Variants in SMARCC1 observed in about 807,000 individuals in gnomAD.
The protein encoded by SMARCC1 is SWI/SNF complex subunit SMARCC1.
SMARCC1 carries 43 observed loss-of-function variants against 147.4 expected under a neutral mutation model. The ratio of observed to expected loss-of-function variants is 0.29; its 90% CI spans 0.23 to 0.38. The LOEUF (loss-of-function observed/expected upper bound fraction) is 0.38, where lower values mean the gene tolerates loss of function less well. Among genes scored for constraint, SMARCC1 ranks in the 10% least tolerant of loss-of-function variants. SMARCC1 has a pLI of 1.00. For synonymous variants in SMARCC1, 495 were observed against 484.4 expected (o/e 1.02, Z -0.29); for missense variants, 1,119 against 1,381.1 (o/e 0.81, Z 3.01).
At chr3:47,618,594 A>G (rs2032680991) in intron 25 of SMARCC1, among the ~76,000 whole-genome samples, 1 of 152,230 alleles carries the variant, frequency 6.6e-6, no homozygotes, top group Middle Eastern at 3.4e-3. Flanking sequence ...ATATAATTTA[A>G]GTAGTTATTT....
chr3:47,724,514 TG>T (rs2034275070), intron 6 of SMARCC1, among the ~76,000 whole-genome samples: 2 of 152,222 alleles, frequency 1.3e-5, no homozygotes, highest in South Asian at 4.1e-4. Context: ...CAGCCAAGGA[TG>T]GCTTTGAATG....
intron 21 of SMARCC1, among the ~76,000 whole-genome samples, chr3:47,656,456 A>G (rs768945983): frequency 2.0e-5 from 3 of 152,248 alleles, no homozygotes; most frequent in Non-Finnish European, 2.9e-5. Flanking sequence ...CAGCAAAGGT[A>G]AATTGCTTTT....
At chr3:47,641,351 G>C (rs562376113) in intron 21 of SMARCC1, among the ~76,000 whole-genome samples, 1 of 152,262 alleles carries the variant, frequency 6.6e-6, no homozygotes, top group East Asian at 1.9e-4. Flanking sequence ...GCCAGGCATG[G>C]TGATGAGCAC....
chr3:47,693,835 G>C (rs898259848), intron 11 of SMARCC1, among the ~76,000 whole-genome samples: 1 of 152,030 alleles, frequency 6.6e-6, no homozygotes, highest in Non-Finnish European at 1.5e-5. Context: ...GTTAATTTTT[G>C]TATTTTTTAT....
intron 19 of SMARCC1, among the ~76,000 whole-genome samples, chr3:47,666,766 T>C (rs1285865881): frequency 2.0e-5 from 3 of 152,078 alleles, no homozygotes; most frequent in African/African-American, 7.2e-5. Context: ...ATTGTTAGTG[T>C]TAGTGTATTT....
chr3:47,621,570 CAT>C (rs1350481359), intron 25 of SMARCC1, among the ~76,000 whole-genome samples: 3 of 152,132 alleles, frequency 2.0e-5, no homozygotes, highest in Non-Finnish European at 2.9e-5. Context: ...AAAAATGCCA[CAT>C]GTTCTCAGTT....
chr3:47,714,068 G>T (rs766866055), intron 8 of SMARCC1, among the ~76,000 whole-genome samples: 5 of 152,164 alleles, frequency 3.3e-5, no homozygotes, highest in Non-Finnish European at 7.3e-5. Context: ...TTAGATTATT[G>T]TAAGAATTTT....
rs1294832638 is a variant in SMARCC1, at chr3:47,662,437, A to G, written c.2055T>C (p.Pro685=). 3.1e-6 allele frequency: 5 copies of G among 1,614,210 alleles called. No homozygotes were observed. The highest frequency in any genetic ancestry group is 4.2e-6 in the Non-Finnish European group (5 of 1,180,024). ...GATTTCCTGACTGACTGAAGGGGACAGGCTGGTAGGCCAAAGGCCCAAGGG... is the reference window on the plus strand; with the variant it reads ...GATTTCCTGACTGACTGAAGGGGACGGGCTGGTAGGCCAAAGGCCCAAGGG... The part of the protein sequence containing the change: ...DASLGPLAYQ[P]VPFSQSGNPV... The change falls in exon 20 of 28, where the codon CCT becomes CCC. Residue 685 remains proline, a synonymous_variant. Transcript: ENST00000254480.
At chr3:47,749,730 A>AAATTAAACACAC (rs2034606326) in intron 2 of SMARCC1, among the ~76,000 whole-genome samples, 2 of 50,514 alleles carry the variant, frequency 4.0e-5, no homozygotes, top group Non-Finnish European at 5.3e-5. Flanking sequence ...CACACAGAGA[A>AAATTAAACACAC]AGAGACAGAG....
At chr3:47,607,767 G>A (rs1576385806) in intron 26 of SMARCC1, among the ~76,000 whole-genome samples, 1 of 152,094 alleles carries the variant, frequency 6.6e-6, no homozygotes. Flanking sequence ...AAAAAAGCCA[G>A]GCACAGTGGA....
chr3:47,704,546 G>A (rs1315906048), intron 10 of SMARCC1, among the ~76,000 whole-genome samples: 4 of 152,106 alleles, frequency 2.6e-5, no homozygotes, highest in Non-Finnish European at 5.9e-5. Context: ...TCTCATTATA[G>A]TTGACAGTGC....
At chr3:47,625,548 A>G (rs2032797650) in intron 24 of SMARCC1, among the ~76,000 whole-genome samples, 1 of 152,088 alleles carries the variant, frequency 6.6e-6, no homozygotes, top group African/African-American at 2.4e-5. Flanking sequence ...TTCTATATAT[A>G]TTCTAATACT....
intron 26 of SMARCC1, among the ~76,000 whole-genome samples, chr3:47,593,297 G>A (rs888769861): frequency 1.3e-4 from 20 of 151,348 alleles, no homozygotes; most frequent in South Asian, 6.3e-4. Flanking sequence ...TCAGCCGCCC[G>A]AGTACCCGGG....
chr3:47,655,844 A>G (rs2033253849), intron 21 of SMARCC1, among the ~76,000 whole-genome samples: 1 of 152,232 alleles, frequency 6.6e-6, no homozygotes, highest in East Asian at 1.9e-4. Flanking sequence ...CCAGACATAC[A>G]TAGTTTCATA....
intron 14 of SMARCC1, among the ~76,000 whole-genome samples, chr3:47,681,363 A>C (rs1378163578): frequency 6.6e-6 from 1 of 152,192 alleles, no homozygotes; most frequent in Non-Finnish European, 1.5e-5. Context: ...TTTTTTAAAA[A>C]TTTCACTATC....
chr3:47,762,159 G>A (rs1226742693), intron 2 of SMARCC1, among the ~76,000 whole-genome samples: 1 of 152,146 alleles, frequency 6.6e-6, no homozygotes, highest in Admixed American at 6.6e-5. Flanking sequence ...TGTTCAAAGT[G>A]AAACTTGAAG....
chr3:47,685,906 G>A (rs1431646713), intron 14 of SMARCC1, 143 bp downstream of exon 14: 1 of 633,892 alleles, frequency 1.6e-6, no homozygotes, highest in Non-Finnish European at 2.7e-6. Context: ...ACATTCCAAA[G>A]ATAAAAATCA....
At chr3:47,604,543 C>T (rs2032437656) in intron 26 of SMARCC1, 1 of 324,184 alleles carries the variant, frequency 3.1e-6, no homozygotes, top group Non-Finnish European at 6.0e-6. Context: ...AGACTAAAGC[C>T]ATTCTGGCCC....
rs1295117098 is a variant in SMARCC1 at position 47,586,091 on chromosome 3, A to T, written c.*2118T>A. 1 of 152,592 alleles carries T rather than the reference A, an allele frequency of 6.6e-6. No individual in the cohort carries two copies. The highest frequency in any genetic ancestry group is 1.5e-5 in the Non-Finnish European group (1 of 68,028). The allele number at this position is 152,592 out of a possible 1,614,324, so 9.5% of individuals were successfully genotyped here. On this transcript the variant is annotated 3_prime_UTR_variant, in exon 28 of 28. Coordinates refer to ENST00000254480, the MANE Select transcript of SMARCC1 (RefSeq NM_003074.4). ...GGCTGAATTACAGGAATAAAACCAGATCAAAGACATGAAAAGAAAAAGCCA... is the reference window on the plus strand; with the variant it reads ...GGCTGAATTACAGGAATAAAACCAGTTCAAAGACATGAAAAGAAAAAGCCA...
Sources: allele counts gnomAD v4.1 joint callset (sites outside exome capture counted in the v4.1 genomes callset), GRCh38; gene constraint gnomAD v4.1.1; transcripts MANE v1.5; gene names NCBI Gene and HGNC (gene_info 2026-07-23, HGNC 2026-07-21).